Variants in AFP observed in about 807,000 individuals in gnomAD.
The protein encoded by AFP is alpha-fetoprotein.
Under a neutral mutation model 78.9 loss-of-function variants are expected in AFP, and 64 were observed. The ratio of observed to expected loss-of-function variants is 0.81; its 90% CI spans 0.66 to 1.00. AFP has a LOEUF of 1.00. Ranked by LOEUF, AFP falls within the 50% of genes least tolerant of loss-of-function variation. AFP has a pLI of 0.00. For synonymous variants in AFP, 254 were observed against 243.8 expected (o/e 1.04, Z -0.39); for missense variants, 689 against 703.8 (o/e 0.98, Z 0.24).
chr4:73,450,448 G>T (rs1719959876), intron 10 of AFP, 167 bp from the exon 11 acceptor site: 2 of 889,246 alleles, frequency 2.2e-6, no homozygotes, highest in Non-Finnish European at 3.5e-6. Context: ...GGGAGTGGTT[G>T]TTAGAGTAAA....
At position 73,442,434 on chromosome 4, in the gene AFP, A is replaced by G. The variant is rs760979387; in HGVS notation, c.615+6A>G. 2.5e-6 allele frequency: 4 copies of G among 1,613,972 alleles called. No individual in the cohort carries two copies. The highest frequency in any genetic ancestry group is 3.3e-5 in the Admixed American group (2 of 60,016). On this transcript the variant is annotated splice_donor_region_variant and intron_variant, in intron 5 of 14. Coordinates refer to ENST00000395792, the MANE Select transcript of AFP (RefSeq NM_001134.3). ...TTGAATGCTTCCAAACAAAGGTATC[A>G]TATTTGCGTGGATATCTGAACCAGT...
intron 9 of AFP, 42 bp from the exon 10 acceptor site, chr4:73,449,994 C>T (rs760387810): frequency 4.9e-6 from 7 of 1,416,756 alleles, no homozygotes; most frequent in Non-Finnish European, 6.9e-6. Context: ...GTTATGCATC[C>T]AAGAAAAGAA....
intron 1 of AFP, among the ~76,000 whole-genome samples, chr4:73,436,895 G>C (rs764512924): frequency 6.6e-6 from 1 of 151,876 alleles, no homozygotes; most frequent in Non-Finnish European, 1.5e-5. Context: ...CAGCACTACA[G>C]TACAGGGAAA....
chr4:73,450,122 C>T lies in AFP; in HGVS notation c.1278C>T (p.Tyr426=). ...CGLFQKLGEY[Y]LQNAFLVAYT... Reference sequence around the variant, plus strand: ...TCTTCCAGAAACTAGGAGAATATTACTTACAAAATGCGTATGTTTTTGTAA... The same window carrying T: ...TCTTCCAGAAACTAGGAGAATATTATTTACAAAATGCGTATGTTTTTGTAA... The change falls in exon 10 of 15, where the codon TAC becomes TAT. Residue 426 remains tyrosine, a synonymous_variant. Coordinates refer to ENST00000395792, the MANE Select transcript of AFP (RefSeq NM_001134.3). 1 of 1,611,088 alleles carries T rather than the reference C, an allele frequency of 6.2e-7. No individual in the cohort carries two copies. The highest frequency in any genetic ancestry group is 8.5e-7 in the Non-Finnish European group (1 of 1,177,554).
chr4:73,444,747 A>C (rs1241795060), intron 6 of AFP, among the ~76,000 whole-genome samples: 1 of 152,246 alleles, frequency 6.6e-6, no homozygotes, highest in Non-Finnish European at 1.5e-5. Context: ...AATTCTTAAG[A>C]CATGTTTTAG....
chr4:73,437,211 TG>T lies in AFP; in HGVS notation c.137+1del, dbSNP rs1719533677. The T allele has an allele frequency of 3.1e-6, 5 of 1,607,286 alleles. No individual in the cohort carries two copies. The Admixed American group carries it at 6.7e-5, about 21-fold the overall frequency. On this transcript the variant is annotated splice_donor_variant, in intron 2 of 14. Coordinates refer to ENST00000395792, the MANE Select transcript of AFP (RefSeq NM_001134.3). LOFTEE classifies it high-confidence loss of function. Reference sequence around the variant, plus strand: ...ACTGCAGAGATAAGTTTAGCTGACCTGTAAGTTTTGCTTATATAAATGTACT... The same window carrying T: ...ACTGCAGAGATAAGTTTAGCTGACCTTAAGTTTTGCTTATATAAATGTACT...
intron 7 of AFP, among the ~76,000 whole-genome samples, chr4:73,447,249 C>G (rs1719856643): frequency 6.6e-6 from 1 of 151,976 alleles, no homozygotes; most frequent in African/African-American, 2.4e-5. Context: ...GTTTGCACTG[C>G]TAAATAAAAT....
intron 1 of AFP, 27 bp from the exon 2 acceptor site, chr4:73,437,133 T>G: frequency 6.3e-7 from 1 of 1,581,966 alleles, no homozygotes; most frequent in Non-Finnish European, 8.7e-7. Flanking sequence ...TGAAAACACG[T>G]TTCATGAAGT....
At chr4:73,444,099 G>A (rs959185728) in intron 6 of AFP, among the ~76,000 whole-genome samples, 13 of 151,950 alleles carry the variant, frequency 8.6e-5, no homozygotes, top group South Asian at 2.1e-4. Flanking sequence ...TAAATAACAC[G>A]TTAAAGCATA....
chr4:73,445,470 A>G (rs1719793371), intron 7 of AFP, among the ~76,000 whole-genome samples: 1 of 152,232 alleles, frequency 6.6e-6, no homozygotes, highest in Non-Finnish European at 1.5e-5. Context: ...TTCATTTGAC[A>G]AATAAATATA....
chr4:73,453,702 G>T (rs1367573294), intron 12 of AFP, 63 bp from the exon 13 acceptor site: 2 of 1,582,436 alleles, frequency 1.3e-6, no homozygotes, highest in South Asian at 1.1e-5. Context: ...TACTAGGAAG[G>T]CTGTAGAAAA....
chr4:73,455,396 ATGG>A, intron 14 of AFP, 106 bp downstream of exon 14: 4 of 970,030 alleles, frequency 4.1e-6, no homozygotes, highest in Admixed American at 2.1e-5. Flanking sequence ...TTAAAAATAC[ATGG>A]AATTCAAAAA....
At chr4:73,447,783 A>T in intron 8 of AFP, 107 bp downstream of exon 8, 1 of 920,816 alleles carries the variant, frequency 1.1e-6, no homozygotes, top group South Asian at 1.5e-5. Context: ...TGAGTTCAAT[A>T]TGTGAGGATA....
rs1560391343 is a variant in AFP, at chr4:73,438,179, C to T, written c.143C>T (p.Thr48Ile). ...TAEISLADLA[T>I]IFFAQFVQEA... ...CACACGTATTTTTGTTTCAGGGCTACCATATTTTTTGCCCAGTTTGTTCAA... is the reference window on the plus strand; with the variant it reads ...CACACGTATTTTTGTTTCAGGGCTATCATATTTTTTGCCCAGTTTGTTCAA... The change falls in exon 3 of 15, where the codon ACC becomes ATC. Residue 48 changes from threonine to isoleucine, a missense_variant. Thr to Ile is a moderately conservative substitution (Grantham distance 89, BLOSUM62 -1). Transcript: ENST00000395792. The T allele has an allele frequency of 6.2e-7, 1 of 1,613,258 alleles. No individual in the cohort carries two copies. The highest frequency in any genetic ancestry group is 8.5e-7 in the Non-Finnish European group (1 of 1,179,412).
rs748660949 is a variant in AFP at position 73,450,052 on chromosome 4, A to G, written c.1208A>G (p.Lys403Arg). Residue 403 changes from lysine (K) to arginine (R), a missense_variant, in exon 10 of 15, where the codon AAA becomes AGA. Lys to Arg is a conservative substitution (Grantham distance 26). Transcript: ENST00000395792. ...CATTTTCAGGAAGAAGAATTACAGAAATACATCCAGGAGAGCCAAGCATTG... is the reference window on the plus strand; with the variant it reads ...CATTTTCAGGAAGAAGAATTACAGAGATACATCCAGGAGAGCCAAGCATTG... ...CQDKGEEELQ[K>R]YIQESQALAK... The G allele has an allele frequency of 6.2e-7, 1 of 1,613,186 alleles. No homozygotes were observed. The highest frequency in any genetic ancestry group is 1.7e-5 in the Admixed American group (1 of 60,008).
chr4:73,452,263 T>G (rs1377139064), intron 11 of AFP, 138 bp from the exon 12 acceptor site: 4 of 748,118 alleles, frequency 5.3e-6, no homozygotes, highest in Non-Finnish European at 9.3e-6. Context: ...CACATGATCC[T>G]ACATAGCAAA....
At chr4:73,437,332 G>A in intron 2 of AFP, 121 bp downstream of exon 2, 1 of 766,864 alleles carries the variant, frequency 1.3e-6, no homozygotes, top group Non-Finnish European at 2.2e-6. Context: ...ACAATTTCAA[G>A]AAAAGTTACT....
intron 8 of AFP, 42 bp from the exon 9 acceptor site, chr4:73,449,293 T>A (rs1204579499): frequency 6.3e-7 from 1 of 1,581,812 alleles, no homozygotes; most frequent in Middle Eastern, 1.7e-4. Flanking sequence ...CTTTTGTCTC[T>A]TAGTTCCAAT....
intron 2 of AFP, 76 bp downstream of exon 2, chr4:73,437,287 C>A: frequency 8.2e-7 from 1 of 1,218,764 alleles, no homozygotes; most frequent in Non-Finnish European, 1.2e-6. Context: ...AATTGGGTAC[C>A]CCTGTGAGCT....
Sources: gnomAD v4.1 joint callset for allele counts (sites outside exome capture counted in the v4.1 genomes callset) on GRCh38, gnomAD v4.1.1 for gene constraint, MANE v1.5 for transcripts, NCBI Gene and HGNC (gene_info 2026-07-23, HGNC 2026-07-21) for gene names.